Variants in SLC15A1 observed in about 807,000 individuals in gnomAD.
SLC15A1 encodes the protein Caco-2 oligopeptide transporter.
A neutral mutation model predicts 92.9 loss-of-function variants in SLC15A1; 83 were observed. The observed-to-expected ratio is 0.89, with a 90% CI of 0.75 to 1.07. The LOEUF (loss-of-function observed/expected upper bound fraction) is 1.07, where lower values mean the gene tolerates loss of function less well. SLC15A1 is among the 50% of genes least tolerant of loss of function. The pLI, the probability that SLC15A1 is intolerant of heterozygous loss-of-function variation, is 0.00. For missense variants in SLC15A1, 857 were observed against 880.1 expected (o/e 0.97, Z 0.33); for synonymous variants, 322 against 318.2 (o/e 1.01, Z -0.13).
intron 15 of SLC15A1, among the ~76,000 whole-genome samples, chr13:98,707,891 T>TTAAAA (rs1315915894): frequency 9.4e-6 from 1 of 106,852 alleles, no homozygotes; most frequent in African/African-American, 4.0e-5. Flanking sequence ...AGACCCTGTT[T>TTAAAA]AAAAAAAAAA....
At chr13:98,704,145 A>G in intron 17 of SLC15A1, 144 bp downstream of exon 17, 1 of 684,702 alleles carries the variant, frequency 1.5e-6, no homozygotes, top group African/African-American at 1.9e-5. Flanking sequence ...GGTGTTCTTG[A>G]AGTCTTGTGT....
chr13:98,751,622 G>A (rs1309851388), intron 1 of SLC15A1, among the ~76,000 whole-genome samples: 2 of 152,212 alleles, frequency 1.3e-5, no homozygotes, highest in Non-Finnish European at 2.9e-5. Flanking sequence ...ACAATTAGAA[G>A]TCCAAAGTGT....
In SLC15A1 at chr13:98,721,626, A is replaced by G. The variant is rs745991601; in HGVS notation, c.466-41T>C. On this transcript the variant is annotated intron_variant, in intron 6 of 22. Coordinates refer to ENST00000376503, the MANE Select transcript of SLC15A1 (RefSeq NM_005073.4). Reference sequence around the variant, plus strand: ...GAAAGTAAGATGACTTTGGCTATCAATCCACTGAGCACAGGGAGCTGATGA... The same window carrying G: ...GAAAGTAAGATGACTTTGGCTATCAGTCCACTGAGCACAGGGAGCTGATGA... The G allele has an allele frequency of 2.8e-5, 40 of 1,436,418 alleles. No homozygotes were observed. In the South Asian group the frequency reaches 3.1e-4, roughly 11 times the overall value. The allele number at this position is 1,436,418 out of a possible 1,614,324, so 89.0% of individuals were successfully genotyped here.
At chr13:98,732,124 C>A (rs1045685035) in intron 1 of SLC15A1, among the ~76,000 whole-genome samples, 56 of 152,302 alleles carry the variant, frequency 3.7e-4, no homozygotes, top group African/African-American at 1.2e-3. Flanking sequence ...GACTTCAGAC[C>A]GAACTCAAGT....
chr13:98,710,054 C>T lies in SLC15A1; in HGVS notation c.901-143G>A, dbSNP rs566268198. 2.4e-5 allele frequency: 18 copies of T among 765,786 alleles called. No homozygotes were observed. The South Asian group carries it at 2.9e-4, about 12-fold the overall frequency. The allele number at this position is 765,786 out of a possible 1,614,324, so 47.4% of individuals were successfully genotyped here. A position where few individuals can be genotyped will look rare whatever the true frequency, so the allele number is the denominator to read the frequency against. On this transcript the variant is annotated intron_variant, in intron 11 of 22. Coordinates refer to ENST00000376503, the MANE Select transcript of SLC15A1 (RefSeq NM_005073.4). ...GTTGTTTTAAACATCAAGTTAATCTCCCAGCTCTATTATAATACTAGGTCA... is the reference window on the plus strand; with the variant it reads ...GTTGTTTTAAACATCAAGTTAATCTTCCAGCTCTATTATAATACTAGGTCA...
Position 98,688,548 on chromosome 13 carries a change from GTGA to G in SLC15A1, c.1493_1495del (p.Ile498del), listed in dbSNP as rs1262645138. 15 of 1,613,726 alleles carry G rather than the reference GTGA, an allele frequency of 9.3e-6. No individual in the cohort carries two copies. The highest frequency in any genetic ancestry group is 1.2e-5 in the Non-Finnish European group (14 of 1,179,828). ...ATAAACTTTCCCACTCATTGTGATGGTGATGAGCTCGTTAAAAGTATTTACAAA... is the reference window on the plus strand; with the variant it reads ...ATAAACTTTCCCACTCATTGTGATGGTGAGCTCGTTAAAAGTATTTACAAA... On this transcript the variant is annotated inframe_deletion, in exon 19 of 23. Coordinates refer to ENST00000376503, the MANE Select transcript of SLC15A1 (RefSeq NM_005073.4).
At chr13:98,719,184 G>C in intron 8 of SLC15A1, 53 bp downstream of exon 8, 22 of 1,317,056 alleles carry the variant, frequency 1.7e-5, no homozygotes, top group Non-Finnish European at 2.3e-5. Context: ...AATCATTCAC[G>C]TAGGGCCTGA....
At chr13:98,725,245 C>A (rs1670708100) in intron 4 of SLC15A1, among the ~76,000 whole-genome samples, 1 of 152,184 alleles carries the variant, frequency 6.6e-6, no homozygotes, top group African/African-American at 2.4e-5. Flanking sequence ...TTTATAAATT[C>A]CCCAGCCTCA....
chr13:98,733,167 G>A (rs749816003), intron 1 of SLC15A1, among the ~76,000 whole-genome samples: 56 of 152,098 alleles, frequency 3.7e-4, no homozygotes, highest in Non-Finnish European at 5.4e-4. Flanking sequence ...TAGCACTGCC[G>A]ACACCTTGAT....
intron 1 of SLC15A1, among the ~76,000 whole-genome samples, chr13:98,727,267 G>A (rs186581418): frequency 2.0e-5 from 3 of 152,326 alleles, no homozygotes; most frequent in Admixed American, 2.0e-4. Flanking sequence ...GACACACTGT[G>A]CACACTCAAC....
At chr13:98,727,860 C>T (rs941699935) in intron 1 of SLC15A1, among the ~76,000 whole-genome samples, 3 of 152,200 alleles carry the variant, frequency 2.0e-5, no homozygotes, top group African/African-American at 7.2e-5. Context: ...GCCAGGGCTC[C>T]CTGAACATGC....
intron 1 of SLC15A1, among the ~76,000 whole-genome samples, chr13:98,738,480 T>G (rs1259205565): frequency 6.6e-6 from 1 of 152,268 alleles, no homozygotes; most frequent in Non-Finnish European, 1.5e-5. Context: ...CACAGCCCTA[T>G]GCAGCCTCAG....
At chr13:98,729,771 CGACCCT>C (rs1193899161) in intron 1 of SLC15A1, among the ~76,000 whole-genome samples, 1 of 152,214 alleles carries the variant, frequency 6.6e-6, no homozygotes, top group Admixed American at 6.5e-5. Context: ...ACTCCCTTCC[CGACCCT>C]GACCACGGGG....
intron 22 of SLC15A1, among the ~76,000 whole-genome samples, chr13:98,685,817 C>G (rs371914336): frequency 6.6e-6 from 1 of 152,184 alleles, no homozygotes; most frequent in East Asian, 1.9e-4. Flanking sequence ...GAAACACTGT[C>G]TCTACTAAAA....
chr13:98,712,029 GA>G, intron 10 of SLC15A1, 86 bp from the exon 11 acceptor site: 7 of 975,746 alleles, frequency 7.2e-6, no homozygotes, highest in Non-Finnish European at 1.1e-5. Context: ...GATTTCAGTG[GA>G]GACACAGATA....
intron 18 of SLC15A1, among the ~76,000 whole-genome samples, chr13:98,698,321 G>A (rs1451755008): frequency 6.6e-6 from 1 of 152,160 alleles, no homozygotes; most frequent in Non-Finnish European, 1.5e-5. Flanking sequence ...GCCTAGCACA[G>A]GGAAAACAGA....
chr13:98,747,029 C>T (rs1257598644), intron 1 of SLC15A1, among the ~76,000 whole-genome samples: 5 of 151,490 alleles, frequency 3.3e-5, no homozygotes, highest in Admixed American at 6.6e-5. Flanking sequence ...AGAGGTGTGG[C>T]CCCCCCCACC....
chr13:98,688,294 A>C lies in SLC15A1; in HGVS notation c.1637T>G (p.Phe546Cys), dbSNP rs1275058317. Residue 546 changes from phenylalanine (F) to cysteine (C), a missense_variant, in exon 20 of 23, where the codon TTC (phenylalanine) becomes TGC (cysteine). Phe to Cys is a radical substitution (Grantham distance 205). Transcript: ENST00000376503. Reference protein sequence around the residue: ...PPQCQPNFNTFYLEFGSAYTY... With the variant: ...PPQCQPNFNTCYLEFGSAYTY... ...ATAAGCACTACCAAATTCAAGGTAG[A>C]AAGTATTGAAATTAGGTTGACATTG... 2 of 1,614,056 alleles carry C rather than the reference A, an allele frequency of 1.2e-6. No homozygotes were observed. Among genetic ancestry groups the C allele is most frequent in the Non-Finnish European group, 8.5e-7 (1 of 1,179,954 alleles).
intron 18 of SLC15A1, among the ~76,000 whole-genome samples, chr13:98,701,374 T>C (rs1178649889): frequency 6.6e-6 from 1 of 152,220 alleles, no homozygotes; most frequent in Non-Finnish European, 1.5e-5. Context: ...GATTTTGTTT[T>C]TGTCCTGTGT....
Sources: allele counts gnomAD v4.1 joint callset (sites outside exome capture counted in the v4.1 genomes callset), GRCh38; gene constraint gnomAD v4.1.1; transcripts MANE v1.5; gene names NCBI Gene and HGNC (gene_info 2026-07-23, HGNC 2026-07-21).